Variants in ROBO3 observed in about 807,000 individuals in gnomAD.
ROBO3 encodes the protein roundabout homolog 3.
Under a neutral mutation model 160.5 loss-of-function variants are expected in ROBO3, and 97 were observed. That is an observed-to-expected ratio of 0.60 (90% confidence interval 0.51 to 0.72). ROBO3 has a LOEUF of 0.72. Among genes scored for constraint, ROBO3 ranks in the 30% least tolerant of loss-of-function variants. The probability of loss-of-function intolerance (pLI) is 0.00; values close to 1 mark genes in which losing one functional copy is unlikely to be tolerated. For synonymous variants in ROBO3, 780 were observed against 746.2 expected, an observed-to-expected ratio of 1.05 and a Z score of -0.74; for missense variants, 1,858 against 1,846.5, an observed-to-expected ratio of 1.01 and a Z score of -0.11.
rs1946255364 is a variant in ROBO3 at position 124,869,809 on chromosome 11, T to G, written c.646-139T>G. ...AGGAACTTCCCATTTGATATGTGGG[T>G]CAACTTCCTTGGTCTCCTTTATCAG... On this transcript the variant is annotated intron_variant, in intron 3 of 27. Transcript: ENST00000397801. This position sits in a 1 kb window ranked among gnomAD's most constrained non-coding sequence, Gnocchi z 4.2. 1 of 1,327,894 alleles carries G rather than the reference T, an allele frequency of 7.5e-7. No homozygotes were observed. The highest frequency in any genetic ancestry group is 1.0e-6 in the Non-Finnish European group (1 of 964,470). 82.3% of individuals were successfully genotyped at this position (1,327,894 alleles called of 1,614,324 possible).
intron 17 of ROBO3, 113 bp from the exon 18 acceptor site, chr11:124,877,048 C>A: frequency 8.5e-7 from 1 of 1,179,004 alleles, no homozygotes; most frequent in Non-Finnish European, 1.3e-6. Flanking sequence ...GTCCAGGGTG[C>A]AGCCTGAGTG....
chr11:124,880,054 C>A, intron 26 of ROBO3, 106 bp downstream of exon 26: 1 of 1,145,048 alleles, frequency 8.7e-7, no homozygotes, highest in Non-Finnish European at 1.2e-6. Context: ...TAGTTAGGTT[C>A]ATGCATTTGA....
chr11:124,878,375 C>G lies in ROBO3; in HGVS notation c.3259C>G (p.Pro1087Ala). 6.2e-7 allele frequency: 1 copy of G among 1,613,966 alleles called. No homozygotes were observed. The highest frequency in any genetic ancestry group is 1.1e-5 in the South Asian group (1 of 91,066). ...TCTGAACTGGCCAGAAGCCCTGCCC[C>G]CACCTCCTCCTTCTTGTGAACTGAG... ...PSLNWPEALP[P>A]PPPSCELSCL... The change falls in exon 22 of 28, where the codon CCA becomes GCA. Residue 1087 changes from proline (P) to alanine (A), a missense_variant. Transcript: ENST00000397801. The surrounding 1 kb of genome is among the most constrained non-coding windows in gnomAD (Gnocchi z 4.3).
chr11:124,868,016 A>G (rs1946224318), intron 1 of ROBO3, among the ~76,000 whole-genome samples: 1 of 152,202 alleles, frequency 6.6e-6, no homozygotes. Flanking sequence ...GACAGGTAGG[A>G]CAGAATATGT....
chr11:124,875,173 G>A lies in ROBO3; in HGVS notation c.2136G>A (p.Glu712=), dbSNP rs1311449793. The change falls in exon 14 of 28, where the codon GAG becomes GAA. Residue 712 remains glutamate, a synonymous_variant. Transcript: ENST00000397801. Reference sequence around the variant, plus strand: ...TGTCTTGGAGGGTAGCAGGCCCTGAGGGAGGAAGCTGGACAATGTTGGACC... The same window carrying A: ...TGTCTTGGAGGGTAGCAGGCCCTGAAGGAGGAAGCTGGACAATGTTGGACC... ...FRVSWRVAGP[E]GGSWTMLDLQ... is the part of the protein sequence containing the mutation. 2.5e-6 allele frequency: 4 copies of A among 1,613,616 alleles called. No individual in the cohort carries two copies. The Admixed American group carries it at 6.7e-5, about 27-fold the overall frequency.
intron 1 of ROBO3, among the ~76,000 whole-genome samples, chr11:124,867,928 G>T (rs770523971): frequency 6.6e-6 from 1 of 152,210 alleles, no homozygotes; most frequent in Admixed American, 6.5e-5. Context: ...TAGGGGCTGA[G>T]AGTGCCGGAG....
In ROBO3 at chr11:124,873,639, G is replaced by C; in HGVS notation, c.1619-58G>C. The C allele has an allele frequency of 2.0e-6, 3 of 1,497,930 alleles. No homozygotes were observed. In the South Asian group the frequency reaches 3.8e-5, roughly 19 times the overall value. The allele number at this position is 1,497,930 out of a possible 1,614,324, so 92.8% of individuals were successfully genotyped here. On this transcript the variant is annotated intron_variant, in intron 10 of 27. Coordinates refer to ENST00000397801, the MANE Select transcript of ROBO3 (RefSeq NM_022370.4). The surrounding 1 kb of genome is among the most constrained non-coding windows in gnomAD (Gnocchi z 4.5). ...CATAGCTCCCCTGGTAAGGAGACAG[G>C]TTACACTAGGATTATCCTTTCCCTA...
intron 26 of ROBO3, among the ~76,000 whole-genome samples, 196 bp from the exon 27 acceptor site, chr11:124,880,222 C>T (rs1200852048): frequency 5.3e-5 from 8 of 152,200 alleles, no homozygotes; most frequent in East Asian, 1.9e-4. Flanking sequence ...GGAGCTCCCC[C>T]GCAGCGTTCT....
In ROBO3 at chr11:124,876,805, C is replaced by T. The variant is rs1946389133; in HGVS notation, c.2779+345C>T. ...GGGGCCTGGCAAGAGGGGGTGTGGCCAGGATCCCAGGCAGTAAATTGTGCG... is the reference window on the plus strand; with the variant it reads ...GGGGCCTGGCAAGAGGGGGTGTGGCTAGGATCCCAGGCAGTAAATTGTGCG... On this transcript the variant is annotated intron_variant, in intron 17 of 27. Transcript: ENST00000397801. This position sits in a 1 kb window ranked among gnomAD's most constrained non-coding sequence, Gnocchi z 5.3. 7.8e-6 allele frequency: 4 copies of T among 513,188 alleles called. No homozygotes were observed. Among genetic ancestry groups the T allele is most frequent in the East Asian group, 6.4e-5 (2 of 31,216 alleles). 31.8% of individuals were successfully genotyped at this position (513,188 alleles called of 1,614,324 possible).
chr11:124,872,767 C>A lies in ROBO3; in HGVS notation c.1331-117C>A. On this transcript the variant is annotated intron_variant, in intron 8 of 27. Transcript: ENST00000397801. The surrounding 1 kb of genome is among the most constrained non-coding windows in gnomAD (Gnocchi z 4.3). The stretch of plus-strand genomic sequence containing the variant: ...GATGATTATCAAAGCCCCCTCTGAT[C>A]ACCGGAAGTTTCAGGGGCTGGGGTA... 1.0e-6 allele frequency: 1 copy of A among 1,003,266 alleles called. No individual in the cohort carries two copies. Among genetic ancestry groups the A allele is most frequent in the Non-Finnish European group, 1.4e-6 (1 of 701,358 alleles). 62.1% of individuals were successfully genotyped at this position (1,003,266 alleles called of 1,614,324 possible).
intron 7 of ROBO3, among the ~76,000 whole-genome samples, chr11:124,871,972 A>T (rs1172923392): frequency 6.6e-6 from 1 of 152,216 alleles, no homozygotes; most frequent in African/African-American, 2.4e-5. Flanking sequence ...CTAATGGATT[A>T]TCTTCCATGG....
In ROBO3 at chr11:124,878,880, A is replaced by ATGGG; in HGVS notation, c.3533+88_3533+91dup. ...GATGACTGGGTGGGTGGATGGATGG[A>ATGGG]TGGGTGGATGGATCTGGGGTACAGA... On this transcript the variant is annotated intron_variant, in intron 23 of 27. Coordinates refer to ENST00000397801, the MANE Select transcript of ROBO3 (RefSeq NM_022370.4). This position sits in a 1 kb window ranked among gnomAD's most constrained non-coding sequence, Gnocchi z 4.3. 8.6e-7 allele frequency: 1 copy of ATGGG among 1,159,248 alleles called. No homozygotes were observed. The highest frequency in any genetic ancestry group is 1.2e-6 in the Non-Finnish European group (1 of 806,894). The allele number at this position is 1,159,248 out of a possible 1,614,324, so 71.8% of individuals were successfully genotyped here.
rs2135343886 is a variant in ROBO3, at chr11:124,878,405, C to T, written c.3289C>T (p.Leu1097=). The T allele has an allele frequency of 6.2e-7, 1 of 1,613,916 alleles. No individual in the cohort carries two copies. Residue 1097 remains leucine, a synonymous_variant, in exon 22 of 28, where the codon CTA becomes TTA. Coordinates refer to ENST00000397801, the MANE Select transcript of ROBO3 (RefSeq NM_022370.4). This position sits in a 1 kb window ranked among gnomAD's most constrained non-coding sequence, Gnocchi z 4.3. ...TCCTCCTTCTTGTGAACTGAGCTGC[C>T]TAGAAGGGCCGGAGGAGGAGCTGGA... is the stretch of plus-strand genomic sequence containing the variant. The part of the protein sequence containing the change: ...PPPPSCELSC[L]EGPEEELEGS...
Position 124,870,618 on chromosome 11 carries a change from A to G in ROBO3, c.923A>G (p.Asp308Gly). Residue 308 changes from aspartate to glycine, a missense_variant, in exon 6 of 28, where the codon GAC (aspartate) becomes GGC (glycine). Transcript: ENST00000397801. ...TGGAGCAGGTATGAGATCCGGAGTG[A>G]CCACAGCCTTTGGATTGGGCATGTG... Reference protein sequence around the residue: ...LPTGRYEIRSDHSLWIGHVSA... With the variant: ...LPTGRYEIRSGHSLWIGHVSA... The G allele has an allele frequency of 6.2e-7, 1 of 1,613,748 alleles. No individual in the cohort carries two copies. The highest frequency in any genetic ancestry group is 8.5e-7 in the Non-Finnish European group (1 of 1,179,848).
Position 124,875,276 on chromosome 11 carries a change from C to G in ROBO3, c.2239C>G (p.Gln747Glu), listed in dbSNP as rs540699021. The change falls in exon 14 of 28, where the codon CAA becomes GAA. Residue 747 changes from glutamine to glutamate, a missense_variant. Coordinates refer to ENST00000397801, the MANE Select transcript of ROBO3 (RefSeq NM_022370.4). ...CCAAATCCAGATCAAGGTGCAAGCC[C>G]AAGGCCAGGAGGGGCTGGGGGCTGA... ...GTQIQIKVQA[Q>E]GQEGLGAESL... 4.0e-5 allele frequency: 64 copies of G among 1,612,866 alleles called. 1 individual carries two copies. The South Asian group carries it at 6.7e-4, about 17-fold the overall frequency.
In ROBO3 at chr11:124,875,832, A is replaced by G. The variant is rs558632894; in HGVS notation, c.2422-122A>G. ...TTTAGGGGAGAAGAGAGAGGTTTCC[A>G]AGTGTTGTTTCCAGGTTGAATTACA... On this transcript the variant is annotated intron_variant, in intron 15 of 27. Coordinates refer to ENST00000397801, the MANE Select transcript of ROBO3 (RefSeq NM_022370.4). 15 of 1,442,552 alleles carry G rather than the reference A, an allele frequency of 1.0e-5. No homozygotes were observed. The South Asian group carries it at 1.8e-4, about 17-fold the overall frequency. 89.4% of individuals were successfully genotyped at this position (1,442,552 alleles called of 1,614,324 possible).
chr11:124,877,084 G>A, intron 17 of ROBO3, 77 bp from the exon 18 acceptor site: 1 of 1,513,488 alleles, frequency 6.6e-7, no homozygotes, highest in Non-Finnish European at 9.2e-7. Context: ...GGGCCTAGGC[G>A]TGGACAAGTA....
In ROBO3 at chr11:124,873,317, A is replaced by T; in HGVS notation, c.1544A>T (p.Asp515Val). 6.2e-7 allele frequency: 1 copy of T among 1,609,482 alleles called. No homozygotes were observed. The highest frequency in any genetic ancestry group is 8.5e-7 in the Non-Finnish European group (1 of 1,178,078). Residue 515 changes from aspartate (D) to valine (V), a missense_variant, in exon 10 of 28, where the codon GAC (aspartate) becomes GTC (valine). Physicochemically the swap from Asp to Val is radical, Grantham distance 152. Transcript: ENST00000397801. This position sits in a 1 kb window ranked among gnomAD's most constrained non-coding sequence, Gnocchi z 4.5. ...TLYIANVQEM[D>V]MGFYSCVAKS... The stretch of plus-strand genomic sequence containing the variant: ...CTCTGCCCTCTCTTCCAGGAGATGG[A>T]CATGGGCTTCTACAGCTGCGTGGCC...
At chr11:124,879,051 T>C in intron 23 of ROBO3, 139 bp from the exon 24 acceptor site, 1 of 1,033,338 alleles carries the variant, frequency 9.7e-7, no homozygotes, top group Non-Finnish European at 1.4e-6. Flanking sequence ...CTTATGCTTC[T>C]CTAGCTTGGG....
Sources: allele counts gnomAD v4.1 joint callset (sites outside exome capture counted in the v4.1 genomes callset), GRCh38; gene constraint gnomAD v4.1.1; non-coding constraint Gnocchi (gnomAD v3.1); transcripts MANE v1.5; gene names NCBI Gene and HGNC (gene_info 2026-07-23, HGNC 2026-07-21).